The following SLC31A1 variants were observed in gnomAD, a reference collection of about 807,000 sequenced individuals.
The protein encoded by SLC31A1 is solute carrier family 31 member 1, also known as high affinity copper uptake protein 1.
SLC31A1 carries 5 observed loss-of-function variants against 17.2 expected under a neutral mutation model. The observed-to-expected ratio is 0.29, with a 90% CI of 0.15 to 0.61. The LOEUF is 0.61. SLC31A1 is among the 20% of genes least tolerant of loss of function. The probability of loss-of-function intolerance (pLI) is 0.86; values close to 1 mark genes in which losing one functional copy is unlikely to be tolerated. For missense variants in SLC31A1, 161 were observed against 241.4 expected, an observed-to-expected ratio of 0.67 and a Z score of 2.21; for synonymous variants, 76 against 78.8, an observed-to-expected ratio of 0.96 and a Z score of 0.19.
chr9:113,226,156 A>G (rs925082863), intron 1 of SLC31A1, among the ~76,000 whole-genome samples: 5 of 151,868 alleles, frequency 3.3e-5, no homozygotes. Flanking sequence ...AAAAAGAAAT[A>G]AAGAAAGCAA....
Position 113,260,547 on chromosome 9 carries a change from C to T in SLC31A1, c.*74C>T. 9 of 1,150,710 alleles carry T rather than the reference C, an allele frequency of 7.8e-6. No homozygotes were observed. The highest frequency in any genetic ancestry group is 1.2e-5 in the Non-Finnish European group (9 of 775,642). 71.3% of individuals were successfully genotyped at this position (1,150,710 alleles called of 1,614,324 possible). A position where few individuals can be genotyped will look rare whatever the true frequency, so the allele number is the denominator to read the frequency against. On this transcript the variant is annotated 3_prime_UTR_variant, in exon 5 of 5. Coordinates refer to ENST00000374212, the MANE Select transcript of SLC31A1 (RefSeq NM_001859.4). ...AAGACTTGAAGACGTGATTCCTGCT[C>T]CAATCATCCCTTCTTGCTCCTCTTT...
rs2118528746 is a variant in SLC31A1, at chr9:113,264,367, G to A, written c.*3894G>A. On this transcript the variant is annotated 3_prime_UTR_variant, in exon 5 of 5. Transcript: ENST00000374212. ...CATTTGATATAATGCCTTAATTACT[G>A]GGTCTACAATTAATGTTGACTGTTT... 1 of 152,408 alleles carries A rather than the reference G, an allele frequency of 6.6e-6. No homozygotes were observed. The highest frequency in any genetic ancestry group is 1.9e-4 in the East Asian group (1 of 5,184). The allele number at this position is 152,408 out of a possible 1,614,324, so 9.4% of individuals were successfully genotyped here.
chr9:113,223,468 A>G (rs1831309564), intron 1 of SLC31A1, among the ~76,000 whole-genome samples: 1 of 152,180 alleles, frequency 6.6e-6, no homozygotes, highest in Non-Finnish European at 1.5e-5. Flanking sequence ...CTCCCTAAGC[A>G]CTGTAAAATG....
chr9:113,239,928 A>T (rs1047728800), intron 1 of SLC31A1, among the ~76,000 whole-genome samples: 2 of 152,148 alleles, frequency 1.3e-5, no homozygotes, highest in Non-Finnish European at 2.9e-5. Context: ...CAACCTCATT[A>T]GCCTCTCCTC....
intron 1 of SLC31A1, among the ~76,000 whole-genome samples, chr9:113,222,241 G>A (rs1216315024): frequency 2.0e-5 from 3 of 152,164 alleles, no homozygotes; most frequent in Non-Finnish European, 2.9e-5. Flanking sequence ...ATTCTACGCG[G>A]ATGAGGTGCA....
At chr9:113,232,500 A>G (rs1158677295) in intron 1 of SLC31A1, among the ~76,000 whole-genome samples, 1 of 151,990 alleles carries the variant, frequency 6.6e-6, no homozygotes, top group African/African-American at 2.4e-5. Flanking sequence ...TAAATGGGTT[A>G]GATTCATTTG....
At chr9:113,235,017 C>T (rs745744353) in intron 1 of SLC31A1, among the ~76,000 whole-genome samples, 2 of 152,040 alleles carry the variant, frequency 1.3e-5, no homozygotes, top group African/African-American at 4.8e-5. Context: ...AACTTCTGTT[C>T]GTTCATCTAA....
intron 2 of SLC31A1, 147 bp downstream of exon 2, chr9:113,256,424 T>C: frequency 1.2e-6 from 1 of 859,456 alleles, no homozygotes; most frequent in Non-Finnish European, 1.8e-6. Flanking sequence ...AGTCAAGTCA[T>C]TTGCTCCAGA....
chr9:113,236,456 C>T lies in SLC31A1; in HGVS notation c.-36+14778C>T, dbSNP rs367807614. 4.8e-4 allele frequency among the ~76,000 whole-genome samples: 73 copies of T among 152,132 alleles called. No individual in the cohort carries two copies. In the Middle Eastern group the frequency reaches 0.021, roughly 43 times the overall value. On this transcript the variant is annotated intron_variant, in intron 1 of 4. Coordinates refer to ENST00000374212, the MANE Select transcript of SLC31A1 (RefSeq NM_001859.4). ...TCGGCTCACTGCAAGCTCCACCTCC[C>T]GGGTTCACGCCATTCTCCTGCCTCA...
intron 1 of SLC31A1, among the ~76,000 whole-genome samples, chr9:113,221,941 A>C (rs2118976194): frequency 1.3e-5 from 2 of 152,344 alleles, no homozygotes; most frequent in East Asian, 3.9e-4. Flanking sequence ...CTGCTGGTCC[A>C]GAAGATTTTA....
chr9:113,228,933 G>A (rs965311330), intron 1 of SLC31A1, among the ~76,000 whole-genome samples: 4 of 148,180 alleles, frequency 2.7e-5, no homozygotes, highest in Non-Finnish European at 6.0e-5. Flanking sequence ...TGCAACCTCT[G>A]CCTCCTGGGT....
chr9:113,230,651 C>T (rs905400010), intron 1 of SLC31A1, among the ~76,000 whole-genome samples: 9 of 152,254 alleles, frequency 5.9e-5, no homozygotes, highest in East Asian at 5.8e-4. Flanking sequence ...AATGATCAAA[C>T]GATGGTGTTT....
chr9:113,252,358 C>G (rs1378368846), intron 1 of SLC31A1, among the ~76,000 whole-genome samples: 1 of 152,156 alleles, frequency 6.6e-6, no homozygotes, highest in Admixed American at 6.5e-5. Flanking sequence ...TGCAATGGCA[C>G]AATCTCGGCT....
chr9:113,260,749 C>T lies in SLC31A1; in HGVS notation c.*276C>T, dbSNP rs1831784152. ...GAGATGTCTTTTCCTTCTCCATCAT[C>T]TTAGAGCCAAGTTATATGTTCTTGT... On this transcript the variant is annotated 3_prime_UTR_variant, in exon 5 of 5. Transcript: ENST00000374212. 1 of 472,098 alleles carries T rather than the reference C, an allele frequency of 2.1e-6. No homozygotes were observed. The highest frequency in any genetic ancestry group is 3.9e-6 in the Non-Finnish European group (1 of 255,792). 29.2% of individuals were successfully genotyped at this position (472,098 alleles called of 1,614,324 possible).
chr9:113,222,556 TC>T (rs2118977238), intron 1 of SLC31A1, among the ~76,000 whole-genome samples: 1 of 152,340 alleles, frequency 6.6e-6, no homozygotes, highest in East Asian at 1.9e-4. Context: ...TTCTTGGGCT[TC>T]CCCTCACAGT....
At chr9:113,250,684 A>AG (rs1417998991) in intron 1 of SLC31A1, among the ~76,000 whole-genome samples, 1 of 151,442 alleles carries the variant, frequency 6.6e-6, no homozygotes, top group Non-Finnish European at 1.5e-5. Context: ...ATAAAAAAAA[A>AG]AAACTTCAAA....
intron 1 of SLC31A1, among the ~76,000 whole-genome samples, chr9:113,225,740 G>A (rs1831332952): frequency 6.6e-6 from 1 of 152,180 alleles, no homozygotes; most frequent in Admixed American, 6.5e-5. Context: ...CAACTTGGAA[G>A]TCTTGGTAGA....
rs768585348 is a variant in SLC31A1, at chr9:113,256,263, A to C, written c.115A>C (p.Ser39Arg). 6.2e-7 allele frequency: 1 copy of C among 1,614,048 alleles called. No homozygotes were observed. ...ASHSHGGGDS[S>R]MMMMPMTFYF... The stretch of plus-strand genomic sequence containing the variant: ...ACACTCCCATGGTGGAGGAGACAGC[A>C]GCATGATGATGATGGTGAGTGCCAT... Residue 39 changes from serine (S) to arginine (R), a missense_variant, in exon 2 of 5, where the codon AGC (serine) becomes CGC (arginine). By Grantham distance (110) the Ser-to-Arg change is moderately radical. Transcript: ENST00000374212.
intron 1 of SLC31A1, among the ~76,000 whole-genome samples, chr9:113,224,396 T>C (rs926728646): frequency 3.3e-5 from 5 of 152,062 alleles, no homozygotes; most frequent in Non-Finnish European, 7.4e-5. Context: ...CTCCCACACC[T>C]AACAGCAAGT....
Sources: gnomAD v4.1 joint callset for allele counts (sites outside exome capture counted in the v4.1 genomes callset) on GRCh38, gnomAD v4.1.1 for gene constraint, MANE v1.5 for transcripts, NCBI Gene and HGNC (gene_info 2026-07-23, HGNC 2026-07-21) for gene names.